SLC35F3: variants seen among roughly 807,000 people sequenced by gnomAD.
SLC35F3 encodes the protein solute carrier family 35 member F3.
A neutral mutation model predicts 49.9 loss-of-function variants in SLC35F3; 25 were observed. The observed-to-expected ratio is 0.50, with a 90% CI of 0.37 to 0.70. SLC35F3 has a LOEUF of 0.70. Ranked by LOEUF, SLC35F3 falls within the 30% of genes least tolerant of loss-of-function variation. The pLI is 0.00. For synonymous variants in SLC35F3, 275 were observed against 265.4 expected (o/e 1.04, Z -0.35); for missense variants, 525 against 639.8 (o/e 0.82, Z 1.94).
intron 2 of SLC35F3, among the ~76,000 whole-genome samples, chr1:234,037,422 A>G (rs1328556651): frequency 5.9e-5 from 9 of 152,210 alleles, no homozygotes; most frequent in African/African-American, 1.9e-4. Flanking sequence ...CCCCACTTCC[A>G]ACATTGGTAT....
chr1:233,973,630 G>C (rs763559936), intron 2 of SLC35F3, among the ~76,000 whole-genome samples: 1 of 152,158 alleles, frequency 6.6e-6, no homozygotes, highest in East Asian at 1.9e-4. Context: ...ATTTATAACC[G>C]ACAAAAGGCT....
intron 3 of SLC35F3, among the ~76,000 whole-genome samples, chr1:234,243,542 T>G (rs1454783705): frequency 6.6e-6 from 1 of 152,188 alleles, no homozygotes; most frequent in Non-Finnish European, 1.5e-5. Flanking sequence ...CAAAGTAGAT[T>G]GAGGGACACA....
intron 2 of SLC35F3, among the ~76,000 whole-genome samples, chr1:234,181,503 C>G (rs1212858674): frequency 6.6e-6 from 1 of 152,170 alleles, no homozygotes; most frequent in Admixed American, 6.5e-5. Flanking sequence ...GCATCAGGAT[C>G]TAAATAAGGT....
At chr1:234,253,189 A>G (rs1441736659) in intron 3 of SLC35F3, among the ~76,000 whole-genome samples, 2 of 152,122 alleles carry the variant, frequency 1.3e-5, no homozygotes, top group Non-Finnish European at 2.9e-5. Flanking sequence ...AACTGGGCAT[A>G]GTGGGGCACA....
At chr1:234,101,135 C>A (rs540868199) in intron 2 of SLC35F3, among the ~76,000 whole-genome samples, 2 of 152,146 alleles carry the variant, frequency 1.3e-5, no homozygotes, top group East Asian at 3.9e-4. Context: ...CCCTTCAAGT[C>A]TCAGAGAGGT....
At chr1:234,094,707 C>T (rs538620739) in intron 2 of SLC35F3, among the ~76,000 whole-genome samples, 1 of 152,196 alleles carries the variant, frequency 6.6e-6, no homozygotes, top group Non-Finnish European at 1.5e-5. Context: ...TTATAGGATT[C>T]GGCAGGGGGC....
chr1:234,318,744 C>T lies in SLC35F3; in HGVS notation c.955-7C>T, dbSNP rs755606038. On this transcript the variant is annotated splice_polypyrimidine_tract_variant and splice_region_variant and intron_variant, in intron 5 of 7. Transcript: ENST00000366618. ...TTCACCCCGTCCTCCTCTGCTTTCT[C>T]CTACAGGTTTTGTTCAAGCTCCTCC... The T allele has an allele frequency of 6.2e-6, 10 of 1,612,924 alleles. No individual in the cohort carries two copies. The highest frequency in any genetic ancestry group is 8.5e-6 in the Non-Finnish European group (10 of 1,179,440).
intron 2 of SLC35F3, among the ~76,000 whole-genome samples, chr1:234,028,231 G>C (rs576389300): frequency 6.6e-6 from 1 of 152,188 alleles, no homozygotes; most frequent in African/African-American, 2.4e-5. Context: ...CTGTGCCCCC[G>C]ATCCAGCTTC....
At chr1:234,187,477 C>T (rs1260142211) in intron 2 of SLC35F3, among the ~76,000 whole-genome samples, 1 of 152,292 alleles carries the variant, frequency 6.6e-6, no homozygotes, top group Non-Finnish European at 1.5e-5. Context: ...TGAACTTCTG[C>T]TCCAAGAACT....
chr1:233,944,907 C>T (rs1021032584), intron 2 of SLC35F3, among the ~76,000 whole-genome samples: 6 of 152,132 alleles, frequency 3.9e-5, no homozygotes, highest in East Asian at 1.9e-4. Context: ...TAAATGACAC[C>T]GATGGAACCT....
chr1:234,157,263 C>T (rs1354040329), intron 2 of SLC35F3, among the ~76,000 whole-genome samples: 1 of 152,084 alleles, frequency 6.6e-6, no homozygotes, highest in Non-Finnish European at 1.5e-5. Context: ...TTGCAATGAC[C>T]TCTTAGCTCG....
rs571279600 is a variant in SLC35F3, at chr1:233,965,778, G to T, written c.283+60020G>T. ...CCTGAGCAGAAGACCCAGTAAAGTT[G>T]TGTCCAGATTCCTAATACCTCAAAA... On this transcript the variant is annotated intron_variant, in intron 2 of 7. Transcript: ENST00000366618. Among the ~76,000 whole-genome samples, 7 of 152,332 alleles carry T rather than the reference G, an allele frequency of 4.6e-5. No individual in the cohort carries two copies. The South Asian group carries it at 1.4e-3, about 32-fold the overall frequency.
chr1:234,248,920 T>G (rs1667691193), intron 3 of SLC35F3, among the ~76,000 whole-genome samples: 1 of 152,152 alleles, frequency 6.6e-6, no homozygotes, highest in South Asian at 2.1e-4. Flanking sequence ...AGGGAAACCT[T>G]CAGATACGTG....
intron 2 of SLC35F3, among the ~76,000 whole-genome samples, chr1:234,061,854 C>T (rs376631275): frequency 9.9e-5 from 15 of 152,266 alleles, no homozygotes; most frequent in African/African-American, 3.4e-4. Flanking sequence ...TTAGGTGCAA[C>T]ATTGTCATCA....
chr1:233,991,495 A>G (rs1326903345), intron 2 of SLC35F3, among the ~76,000 whole-genome samples: 5 of 152,196 alleles, frequency 3.3e-5, no homozygotes, highest in African/African-American at 1.2e-4. Context: ...AGAGGGTACA[A>G]TTACCTGGCT....
rs189740248 is a variant in SLC35F3 at position 234,312,945 on chromosome 1, T to C, written c.828+3625T>C. 3.9e-4 allele frequency among the ~76,000 whole-genome samples: 59 copies of C among 152,222 alleles called. No individual in the cohort carries two copies. The East Asian group carries it at 4.8e-3, about 12-fold the overall frequency. ...AGGCTGGATTACAGTGGTGCTATCATAGCTCACTGCAGCCTCAACCTTCTG... is the reference window on the plus strand; with the variant it reads ...AGGCTGGATTACAGTGGTGCTATCACAGCTCACTGCAGCCTCAACCTTCTG... On this transcript the variant is annotated intron_variant, in intron 4 of 7. Transcript: ENST00000366618.
At chr1:234,215,266 T>A (rs1383981396) in intron 2 of SLC35F3, among the ~76,000 whole-genome samples, 2 of 152,184 alleles carry the variant, frequency 1.3e-5, no homozygotes, top group African/African-American at 4.8e-5. Flanking sequence ...TGCCTGGAAC[T>A]GCTCCCACCC....
At chr1:234,049,374 C>T (rs927901284) in intron 2 of SLC35F3, among the ~76,000 whole-genome samples, 4 of 152,060 alleles carry the variant, frequency 2.6e-5, no homozygotes, top group African/African-American at 4.8e-5. Context: ...CTCTCTCTCT[C>T]CTCTCTCTTT....
chr1:234,171,772 CTG>C (rs1666402652), intron 2 of SLC35F3, among the ~76,000 whole-genome samples: 1 of 152,026 alleles, frequency 6.6e-6, no homozygotes, highest in South Asian at 2.1e-4. Flanking sequence ...TGTAGAATAA[CTG>C]TAGTTAAGAA....
Sources: allele counts gnomAD v4.1 joint callset (sites outside exome capture counted in the v4.1 genomes callset), GRCh38; gene constraint gnomAD v4.1.1; transcripts MANE v1.5; gene names NCBI Gene and HGNC (gene_info 2026-07-23, HGNC 2026-07-21).